Variants in PDZRN3 observed in about 807,000 individuals in gnomAD.
PDZRN3 encodes E3 ubiquitin-protein ligase PDZRN3.
Under a neutral mutation model 85.7 loss-of-function variants are expected in PDZRN3, and 38 were observed. The ratio of observed to expected loss-of-function variants is 0.44; its 90% confidence interval spans 0.34 to 0.58. The LOEUF (loss-of-function observed/expected upper bound fraction) is 0.58. Ranked by LOEUF, PDZRN3 falls within the 20% of genes least tolerant of loss-of-function variation. PDZRN3 has a pLI of 0.01. For missense variants in PDZRN3, 1,629 were observed against 1,506.4 expected (o/e 1.08, Z -1.35); for synonymous variants, 759 against 638.0 (o/e 1.19, Z -2.86).
At chr3:73,559,384 A>C (rs1458932078) in intron 3 of PDZRN3, among the ~76,000 whole-genome samples, 2 of 152,252 alleles carry the variant, frequency 1.3e-5, no homozygotes. Context: ...TATTAATAAA[A>C]GATGAGATTA....
At chr3:73,514,010 C>T (rs1201551768) in intron 3 of PDZRN3, among the ~76,000 whole-genome samples, 1 of 152,182 alleles carries the variant, frequency 6.6e-6, no homozygotes, top group Non-Finnish European at 1.5e-5. Context: ...CATTTAGAGA[C>T]ATTTAATCTA....
At chr3:73,584,975 T>C (rs1702257711) in intron 3 of PDZRN3, among the ~76,000 whole-genome samples, 1 of 152,202 alleles carries the variant, frequency 6.6e-6, no homozygotes, top group South Asian at 2.1e-4. Context: ...TTAGAAATCT[T>C]TAAAAAAATT....
intron 3 of PDZRN3, among the ~76,000 whole-genome samples, chr3:73,511,640 T>C (rs1182594323): frequency 6.6e-6 from 1 of 152,214 alleles, no homozygotes. Flanking sequence ...CATTTCTCAC[T>C]GCCCTAAAGT....
chr3:73,602,309 G>A, intron 3 of PDZRN3, 45 bp downstream of exon 3: 1 of 1,022,912 alleles, frequency 9.8e-7, no homozygotes, highest in Non-Finnish European at 1.5e-6. Context: ...ACGAAGATGG[G>A]ATGGCATTCA....
intron 3 of PDZRN3, among the ~76,000 whole-genome samples, chr3:73,564,210 C>G (rs541869796): frequency 6.6e-6 from 1 of 152,326 alleles, no homozygotes; most frequent in African/African-American, 2.4e-5. Flanking sequence ...CTTGAAAATT[C>G]TGTCTTCCCA....
At chr3:73,418,720 T>A (rs1309982332) in intron 3 of PDZRN3, among the ~76,000 whole-genome samples, 1 of 152,180 alleles carries the variant, frequency 6.6e-6, no homozygotes, top group Non-Finnish European at 1.5e-5. Flanking sequence ...TTCATTTTCT[T>A]GTTCTCAGGT....
intron 3 of PDZRN3, among the ~76,000 whole-genome samples, chr3:73,575,586 A>T (rs9811288): frequency 0.21 from 31,744 of 152,194 alleles, 3,450 homozygotes; most frequent in Middle Eastern, 0.31. Flanking sequence ...AGGTGTGCTT[A>T]AAAAATGCTT....
intron 3 of PDZRN3, among the ~76,000 whole-genome samples, chr3:73,480,004 T>C (rs1703531508): frequency 1.3e-5 from 2 of 152,090 alleles, no homozygotes; most frequent in Non-Finnish European, 2.9e-5. Flanking sequence ...AACTCTTTTG[T>C]TTGTAATGTG....
Position 73,389,287 on chromosome 3 carries a change from C to T in PDZRN3, c.1416+529G>A, listed in dbSNP as rs148773029. ...TTGGACTAGACGGAGCAACAGGGCTCGAGGTCAAGTAATGACCCTTAGAAG... is the reference window on the plus strand; with the variant it reads ...TTGGACTAGACGGAGCAACAGGGCTTGAGGTCAAGTAATGACCCTTAGAAG... On this transcript the variant is annotated intron_variant, in intron 7 of 9. Coordinates refer to ENST00000263666, the MANE Select transcript of PDZRN3 (RefSeq NM_015009.3). Among the ~76,000 whole-genome samples the T allele has an allele frequency of 3.8e-3, 576 of 152,200 alleles. 1 individual carries two copies. The highest frequency in any genetic ancestry group is 0.013 in the African/African-American group (554 of 41,528).
intron 3 of PDZRN3, among the ~76,000 whole-genome samples, chr3:73,490,646 T>C (rs1388114781): frequency 6.6e-6 from 1 of 152,222 alleles, no homozygotes; most frequent in East Asian, 1.9e-4. Flanking sequence ...TATTCTTTAC[T>C]GCTGAATCAG....
At chr3:73,434,982 G>T (rs1031437397) in intron 3 of PDZRN3, among the ~76,000 whole-genome samples, 1 of 152,156 alleles carries the variant, frequency 6.6e-6, no homozygotes, top group African/African-American at 2.4e-5. Flanking sequence ...GAAAATGGTC[G>T]ATGTTTAAAA....
chr3:73,563,988 G>A (rs964710545), intron 3 of PDZRN3, among the ~76,000 whole-genome samples: 1 of 152,096 alleles, frequency 6.6e-6, no homozygotes, highest in East Asian at 1.9e-4. Context: ...CAACCACCTT[G>A]AACACACATG....
chr3:73,401,825 A>G (rs1465292947), intron 4 of PDZRN3: 1 of 152,244 alleles, frequency 6.6e-6, no homozygotes, highest in Non-Finnish European at 1.5e-5. Flanking sequence ...GCAAAGCTTC[A>G]GCCTCTGATT....
intron 8 of PDZRN3, among the ~76,000 whole-genome samples, chr3:73,386,924 A>G (rs550517483): frequency 6.6e-6 from 1 of 152,280 alleles, no homozygotes; most frequent in South Asian, 2.1e-4. Context: ...CTCACCTTGA[A>G]TTGTAGCTCC....
intron 3 of PDZRN3, among the ~76,000 whole-genome samples, chr3:73,419,665 C>T (rs970326037): frequency 2.6e-5 from 4 of 152,084 alleles, no homozygotes; most frequent in Non-Finnish European, 5.9e-5. Context: ...TCTTTGACCT[C>T]GTTTCATCGT....
At chr3:73,527,662 GCTGT>G (rs1393327018) in intron 3 of PDZRN3, among the ~76,000 whole-genome samples, 3 of 152,036 alleles carry the variant, frequency 2.0e-5, no homozygotes, top group Non-Finnish European at 2.9e-5. Flanking sequence ...AGGGAAAGTG[GCTGT>G]CTTTCTTTGA....
intron 3 of PDZRN3, among the ~76,000 whole-genome samples, chr3:73,515,173 C>CTTT (rs60325744): frequency 1.0e-4 from 6 of 58,050 alleles, no homozygotes; most frequent in African/African-American, 3.8e-4. Context: ...ACAATCAGCC[C>CTTT]TTTTTTTTTT....
intron 3 of PDZRN3, among the ~76,000 whole-genome samples, chr3:73,536,700 C>T (rs921610746): frequency 3.9e-5 from 6 of 152,192 alleles, no homozygotes; most frequent in Admixed American, 2.0e-4. Context: ...TTCAGCTGTC[C>T]TGGTCCTTAA....
chr3:73,611,202 G>T (rs898814389), intron 1 of PDZRN3, among the ~76,000 whole-genome samples: 1 of 152,104 alleles, frequency 6.6e-6, no homozygotes, highest in African/African-American at 2.4e-5. Flanking sequence ...TTCCAAAAAA[G>T]AACTTATCAA....
Sources: allele counts gnomAD v4.1 joint callset (sites outside exome capture counted in the v4.1 genomes callset), GRCh38; gene constraint gnomAD v4.1.1; transcripts MANE v1.5; gene names NCBI Gene and HGNC (gene_info 2026-07-23, HGNC 2026-07-21).